CSMD2: variants seen among roughly 807,000 people sequenced by gnomAD.
CSMD2 encodes the protein CUB and Sushi multiple domains 2, also known as CUB and sushi domain-containing protein 2.
A neutral mutation model predicts 398.5 loss-of-function variants in CSMD2; 130 were observed. The ratio of observed to expected loss-of-function variants is 0.33; its 90% CI spans 0.28 to 0.38. The LOEUF (loss-of-function observed/expected upper bound fraction) is 0.38, where lower values mean the gene tolerates loss of function less well. CSMD2 is among the 10% of genes least tolerant of loss of function. CSMD2 has a pLI of 1.00. For missense variants in CSMD2, 3,829 were observed against 4,764.9 expected (o/e 0.80, Z 5.78); for synonymous variants, 1,828 against 1,908.5 (o/e 0.96, Z 1.10).
chr1:33,605,170 G>T, intron 42 of CSMD2, 112 bp downstream of exon 42: 2 of 1,042,486 alleles, frequency 1.9e-6, no homozygotes. Flanking sequence ...AGTTTGCCTG[G>T]ACCTCCAGCC....
At chr1:34,011,573 C>CT (rs569433572) in intron 3 of CSMD2, among the ~76,000 whole-genome samples, 4 of 151,828 alleles carry the variant, frequency 2.6e-5, no homozygotes, top group African/African-American at 7.3e-5. Context: ...TAAGTGTATT[C>CT]TTTTTTTTAA....
intron 5 of CSMD2, among the ~76,000 whole-genome samples, chr1:33,893,130 G>A (rs886648426): frequency 6.6e-6 from 1 of 152,156 alleles, no homozygotes; most frequent in African/African-American, 2.4e-5. Flanking sequence ...GAAACATCTG[G>A]GTCACAGCTC....
intron 29 of CSMD2, among the ~76,000 whole-genome samples, chr1:33,645,405 T>C (rs534010975): frequency 2.6e-4 from 39 of 150,586 alleles, no homozygotes; most frequent in Non-Finnish European, 4.7e-4. Flanking sequence ...ATATAAAATA[T>C]GCATGTATAA....
intron 25 of CSMD2, among the ~76,000 whole-genome samples, chr1:33,675,547 C>T (rs1644679302): frequency 6.6e-6 from 1 of 152,182 alleles, no homozygotes; most frequent in Admixed American, 6.5e-5. Context: ...AAGCTGGTAC[C>T]ATTACTTCTG....
At chr1:34,123,361 G>A (rs1377548332) in intron 1 of CSMD2, among the ~76,000 whole-genome samples, 1 of 152,166 alleles carries the variant, frequency 6.6e-6, no homozygotes, top group Non-Finnish European at 1.5e-5. Context: ...GTGTGCCCAG[G>A]GAGGGCATGG....
At chr1:33,992,992 A>C (rs1348803524) in intron 3 of CSMD2, among the ~76,000 whole-genome samples, 1 of 152,214 alleles carries the variant, frequency 6.6e-6, no homozygotes. Flanking sequence ...AAAAAAAGCA[A>C]GTTTCAGAAT....
intron 1 of CSMD2, among the ~76,000 whole-genome samples, chr1:34,125,457 A>G (rs1416791211): frequency 6.6e-6 from 1 of 152,080 alleles, no homozygotes; most frequent in Non-Finnish European, 1.5e-5. Context: ...CAGGGCACAC[A>G]CAGGTAGGCC....
chr1:33,670,478 T>C (rs972942755), intron 25 of CSMD2, among the ~76,000 whole-genome samples: 11 of 152,232 alleles, frequency 7.2e-5, no homozygotes, highest in African/African-American at 2.7e-4. Context: ...CTAAGGAGGA[T>C]ACTTCCTATT....
intron 23 of CSMD2, among the ~76,000 whole-genome samples, chr1:33,700,253 C>T (rs964053450): frequency 3.9e-5 from 6 of 152,186 alleles, no homozygotes; most frequent in South Asian, 4.1e-4. Flanking sequence ...GTGATCCACC[C>T]GCCTTGGCCT....
chr1:33,973,280 G>C (rs502199), intron 3 of CSMD2, among the ~76,000 whole-genome samples: 1 of 152,042 alleles, frequency 6.6e-6, no homozygotes, highest in Non-Finnish European at 1.5e-5. Flanking sequence ...AAGCAGACTC[G>C]GAGGAGGAGG....
chr1:33,795,349 T>C (rs573927066), intron 10 of CSMD2, among the ~76,000 whole-genome samples: 2 of 152,260 alleles, frequency 1.3e-5, no homozygotes, highest in South Asian at 2.1e-4. Context: ...CATGGGATCA[T>C]TTCCTCAGGC....
chr1:34,002,691 T>TCCC (rs1646938381), intron 3 of CSMD2, among the ~76,000 whole-genome samples: 1 of 152,250 alleles, frequency 6.6e-6, no homozygotes, highest in Admixed American at 6.5e-5. Flanking sequence ...GAGCCATTGC[T>TCCC]GATTGTTTTC....
chr1:34,144,910 T>A (rs531807113), intron 1 of CSMD2, among the ~76,000 whole-genome samples: 1 of 152,324 alleles, frequency 6.6e-6, no homozygotes, highest in South Asian at 2.1e-4. Context: ...ACAGGCCAAA[T>A]AAATGCCAAG....
intron 1 of CSMD2, among the ~76,000 whole-genome samples, chr1:34,099,651 T>C (rs1395150570): frequency 1.3e-5 from 2 of 152,124 alleles, no homozygotes; most frequent in East Asian, 3.9e-4. Context: ...AGGGAACAGG[T>C]AGAATAGTCG....
intron 3 of CSMD2, among the ~76,000 whole-genome samples, chr1:33,988,888 C>T (rs929881728): frequency 6.6e-6 from 1 of 151,406 alleles, no homozygotes; most frequent in Non-Finnish European, 1.5e-5. Context: ...ACCCCATACA[C>T]AAATATTAAC....
chr1:33,875,402 G>A (rs11590681), intron 5 of CSMD2: 77,985 of 151,744 alleles, frequency 0.51, 19,937 homozygotes, highest in Non-Finnish European at 0.53. Context: ...TGTTTTGGGC[G>A]TTTACTATGG....
At chr1:34,109,357 C>G (rs537255528) in intron 1 of CSMD2, among the ~76,000 whole-genome samples, 52 of 152,322 alleles carry the variant, frequency 3.4e-4, no homozygotes, top group African/African-American at 1.2e-3. Flanking sequence ...TCAGCTCCCT[C>G]TGCTCAAGCA....
In CSMD2 at chr1:34,163,190, G is replaced by A. The variant is rs970874994; in HGVS notation, c.187+1721C>T. On this transcript the variant is annotated intron_variant, in intron 1 of 70. Transcript: ENST00000373381. This position sits in a 1 kb window ranked among gnomAD's most constrained non-coding sequence, Gnocchi z 5.4. The stretch of plus-strand genomic sequence containing the variant: ...ATCAGCTAAGCCAGAGACCGGCCTC[G>A]CCTCAACGTACGTCCGGGAGGCCTG... 2.0e-5 allele frequency among the ~76,000 whole-genome samples: 3 copies of A among 152,248 alleles called. No individual in the cohort carries two copies. Among genetic ancestry groups the A allele is most frequent in the Non-Finnish European group, 2.9e-5 (2 of 68,050 alleles).
intron 2 of CSMD2, among the ~76,000 whole-genome samples, chr1:34,042,425 C>T (rs528080595): frequency 2.6e-5 from 4 of 152,184 alleles, no homozygotes; most frequent in Non-Finnish European, 4.4e-5. Flanking sequence ...TCAATAAAAG[C>T]CCAATTTGCT....
Sources: allele counts gnomAD v4.1 joint callset (sites outside exome capture counted in the v4.1 genomes callset), GRCh38; gene constraint gnomAD v4.1.1; non-coding constraint Gnocchi (gnomAD v3.1); transcripts MANE v1.5; gene names NCBI Gene and HGNC (gene_info 2026-07-23, HGNC 2026-07-21).